ERCC6L2: variants seen among roughly 807,000 people sequenced by gnomAD.
ERCC6L2 encodes the protein ERCC excision repair 6 like 2, also known as DNA excision repair protein ERCC-6-like 2.
A neutral mutation model predicts 132.0 loss-of-function variants in ERCC6L2; 77 were observed. That is an observed-to-expected ratio of 0.58 (90% CI 0.49 to 0.71). The LOEUF is 0.71. ERCC6L2 is among the 30% of genes least tolerant of loss of function. The pLI is 0.00. For synonymous variants in ERCC6L2, 583 were observed against 632.4 expected (o/e 0.92, Z 1.17); for missense variants, 1,542 against 1,837.6 (o/e 0.84, Z 2.94).
intron 19 of ERCC6L2, among the ~76,000 whole-genome samples, chr9:96,036,797 C>T: frequency 6.9e-6 from 1 of 143,990 alleles, no homozygotes; most frequent in African/African-American, 2.6e-5. Context: ...GACGGAGTCT[C>T]ACTCTGTCGC....
chr9:95,884,799 C>T (rs370690161), intron 2 of ERCC6L2, among the ~76,000 whole-genome samples: 45 of 152,212 alleles, frequency 3.0e-4, no homozygotes, highest in African/African-American at 8.9e-4. Context: ...ATAGAAAGAA[C>T]GTATATTTAC....
At chr9:95,919,476 A>G (rs1323901921) in intron 6 of ERCC6L2, among the ~76,000 whole-genome samples, 2 of 152,172 alleles carry the variant, frequency 1.3e-5, no homozygotes, top group Non-Finnish European at 2.9e-5. Context: ...TTCAACATCA[A>G]AGGCGTCAAA....
chr9:95,924,714 A>G (rs1830029099), intron 9 of ERCC6L2, among the ~76,000 whole-genome samples: 1 of 152,134 alleles, frequency 6.6e-6, no homozygotes, highest in Non-Finnish European at 1.5e-5. Context: ...TGTAAAATAT[A>G]CTTTTAAAGT....
rs181701357 is a variant in ERCC6L2 at position 95,918,389 on chromosome 9, C to T, written c.1158+1955C>T. On this transcript the variant is annotated intron_variant, in intron 6 of 18. Coordinates refer to ENST00000653738, the MANE Select transcript of ERCC6L2 (RefSeq NM_020207.7). ...TGGGTGCACAGATTTTATTTGAGTC[C>T]GCTGCCTTGAGAGAGATACTGAAGG... is the stretch of plus-strand genomic sequence containing the variant. 2.3e-4 allele frequency: 81 copies of T among 357,688 alleles called. 1 individual carries two copies. The highest frequency in any genetic ancestry group is 2.2e-3 in the East Asian group (30 of 13,840). 22.2% of individuals were successfully genotyped at this position (357,688 alleles called of 1,614,324 possible).
rs984613902 is a variant in ERCC6L2 at position 96,016,398 on chromosome 9, C to A, written c.*3195C>A. ...TTTCCATGATGCTACTTGCCACAAT[C>A]TTTTTTACTTAAGCAATGATACCGT... On this transcript the variant is annotated 3_prime_UTR_variant, in exon 19 of 19. Coordinates refer to ENST00000653738, the MANE Select transcript of ERCC6L2 (RefSeq NM_020207.7). 1.3e-5 allele frequency among the ~76,000 whole-genome samples: 2 copies of A among 152,186 alleles called. No individual in the cohort carries two copies. The highest frequency in any genetic ancestry group is 4.8e-5 in the African/African-American group (2 of 41,444).
chr9:95,916,641 A>G (rs1587900178), intron 6 of ERCC6L2, among the ~76,000 whole-genome samples: 1 of 151,918 alleles, frequency 6.6e-6, no homozygotes, highest in Non-Finnish European at 1.5e-5. Context: ...GTTAGCTAAC[A>G]GGTTTATTAT....
chr9:95,908,280 G>T (rs1405401747), intron 4 of ERCC6L2, among the ~76,000 whole-genome samples: 1 of 152,100 alleles, frequency 6.6e-6, no homozygotes, highest in Non-Finnish European at 1.5e-5. Flanking sequence ...TAAAACCGAG[G>T]CTGATTGGGT....
At chr9:96,022,463 G>C (rs1834308008), downstream of ERCC6L2, among the ~76,000 whole-genome samples, 1 of 152,180 alleles carries the variant, frequency 6.6e-6, no homozygotes, top group Non-Finnish European at 1.5e-5. Context: ...GCCGGTATTC[G>C]TATTGTTTTA....
chr9:95,941,332 C>A, intron 11 of ERCC6L2, 122 bp from the exon 12 acceptor site: 1 of 610,482 alleles, frequency 1.6e-6, no homozygotes, highest in South Asian at 2.2e-5. Context: ...CACCACCTTA[C>A]TTTGATGAAA....
At chr9:95,975,368 A>AAGTC (rs10629997) in intron 16 of ERCC6L2, among the ~76,000 whole-genome samples, 95,497 of 151,450 alleles carry the variant, frequency 0.63, 30,577 homozygotes, top group African/African-American at 0.72. Context: ...TTATACCTAA[A>AAGTC]AGTTTTGCTG....
chr9:95,875,928 G>A lies in ERCC6L2; in HGVS notation c.-111G>A. 8.4e-7 allele frequency: 1 copy of A among 1,186,396 alleles called. No individual in the cohort carries two copies. The highest frequency in any genetic ancestry group is 1.2e-6 in the Non-Finnish European group (1 of 833,716). The allele number at this position is 1,186,396 out of a possible 1,614,324, so 73.5% of individuals were successfully genotyped here. A position where few individuals can be genotyped will look rare whatever the true frequency, so the allele number is the denominator to read the frequency against. ...GTTGCCGAAGAGCGATGCTCGGAGG[G>A]CGGCCGGAAGTGGCGTTGGCCGCCA... On this transcript the variant is annotated 5_prime_UTR_variant, in exon 1 of 19. Coordinates refer to ENST00000653738, the MANE Select transcript of ERCC6L2 (RefSeq NM_020207.7).
intron 18 of ERCC6L2, among the ~76,000 whole-genome samples, chr9:96,006,288 T>A (rs1244642759): frequency 6.6e-6 from 1 of 152,196 alleles, no homozygotes; most frequent in Non-Finnish European, 1.5e-5. Flanking sequence ...CAGTATCAGG[T>A]CCTGAAGTGC....
intron 17 of ERCC6L2, among the ~76,000 whole-genome samples, chr9:95,991,571 A>G (rs1833304072): frequency 6.6e-6 from 1 of 152,220 alleles, no homozygotes; most frequent in African/African-American, 2.4e-5. Flanking sequence ...CCTAGTGAGC[A>G]TGTCACTTCA....
chr9:95,945,815 A>G (rs958506867), intron 12 of ERCC6L2, among the ~76,000 whole-genome samples: 1 of 152,216 alleles, frequency 6.6e-6, no homozygotes, highest in Non-Finnish European at 1.5e-5. Context: ...TGTTGGGAAG[A>G]TGGAGGAAAC....
chr9:95,950,538 T>A (rs1424863326), intron 12 of ERCC6L2, among the ~76,000 whole-genome samples: 1 of 152,136 alleles, frequency 6.6e-6, no homozygotes, highest in Non-Finnish European at 1.5e-5. Context: ...AATTAAAAGA[T>A]GTAGATTGGC....
At chr9:96,034,657 C>T (rs564769721) in intron 19 of ERCC6L2, among the ~76,000 whole-genome samples, 2 of 152,334 alleles carry the variant, frequency 1.3e-5, no homozygotes, top group East Asian at 3.9e-4. Flanking sequence ...GCTGGGGCTG[C>T]ACACTCCATG....
intron 16 of ERCC6L2, among the ~76,000 whole-genome samples, chr9:95,977,303 G>A (rs1832713693): frequency 6.6e-6 from 1 of 152,190 alleles, no homozygotes; most frequent in Admixed American, 6.5e-5. Context: ...GTGTTTGCAT[G>A]ATTGGCAATT....
chr9:95,905,359 A>G (rs1351858169), intron 3 of ERCC6L2, among the ~76,000 whole-genome samples: 2 of 152,214 alleles, frequency 1.3e-5, no homozygotes, highest in South Asian at 2.1e-4. Context: ...TTTGTAAGAA[A>G]TATCAAGAAT....
intron 17 of ERCC6L2, among the ~76,000 whole-genome samples, chr9:95,986,565 C>T: frequency 6.9e-6 from 1 of 144,114 alleles, no homozygotes; most frequent in East Asian, 2.1e-4. Context: ...GATGTAGTCT[C>T]TGCTCACTGC....
Sources: gnomAD v4.1 joint callset for allele counts (sites outside exome capture counted in the v4.1 genomes callset) on GRCh38, gnomAD v4.1.1 for gene constraint, MANE v1.5 for transcripts, NCBI Gene and HGNC (gene_info 2026-07-23, HGNC 2026-07-21) for gene names.